NTRK2: variants seen among roughly 807,000 people sequenced by gnomAD.
NTRK2 encodes the protein neurotrophic receptor tyrosine kinase 2, also known as BDNF/NT-3 growth factors receptor.
In NTRK2, 13 loss-of-function variants were observed where a neutral mutation model predicts 94.5. The observed-to-expected ratio is 0.14, with a 90% CI of 0.09 to 0.22. NTRK2 has a LOEUF of 0.22. Among genes scored for constraint, NTRK2 ranks in the 10% least tolerant of loss-of-function variants. The probability of loss-of-function intolerance (pLI) is 1.00; values close to 1 mark genes in which losing one functional copy is unlikely to be tolerated. For missense variants in NTRK2, 639 were observed against 1,071.2 expected, an observed-to-expected ratio of 0.60 and a Z score of 5.63; for synonymous variants, 372 against 407.4, an observed-to-expected ratio of 0.91 and a Z score of 1.05.
intron 4 of NTRK2, among the ~76,000 whole-genome samples, chr9:84,704,839 A>G (rs1359921816): frequency 6.6e-6 from 1 of 152,182 alleles, no homozygotes; most frequent in Non-Finnish European, 1.5e-5. Flanking sequence ...CTGAAATTAA[A>G]TTAAGTAGTT....
At chr9:84,739,373 G>A (rs2063480392) in intron 9 of NTRK2, among the ~76,000 whole-genome samples, 1 of 152,104 alleles carries the variant, frequency 6.6e-6, no homozygotes, top group South Asian at 2.1e-4. Flanking sequence ...TTAGATTATG[G>A]GCTAACGTCT....
chr9:84,985,364 T>C (rs1023024532), intron 17 of NTRK2, among the ~76,000 whole-genome samples: 2 of 152,226 alleles, frequency 1.3e-5, no homozygotes. Flanking sequence ...GGGCACGTTA[T>C]AGGGGCTACT....
At chr9:84,741,318 C>T (rs1191167312) in intron 9 of NTRK2, among the ~76,000 whole-genome samples, 1 of 152,148 alleles carries the variant, frequency 6.6e-6, no homozygotes, top group African/African-American at 2.4e-5. Flanking sequence ...AGAGGAAGTA[C>T]ATTTTATTTT....
intron 15 of NTRK2, among the ~76,000 whole-genome samples, chr9:84,944,340 G>T (rs1280505536): frequency 2.0e-5 from 3 of 148,938 alleles, no homozygotes; most frequent in African/African-American, 5.0e-5. Context: ...TCTGCTCACT[G>T]CAGGCTCTGC....
At chr9:85,004,156 C>T (rs13440094) in intron 17 of NTRK2, among the ~76,000 whole-genome samples, 36,428 of 90,182 alleles carry the variant, frequency 0.4, 5,484 homozygotes, top group African/African-American at 0.55. Flanking sequence ...GGAACAGGGA[C>T]TTTTCAAAAG....
chr9:84,706,820 G>T (rs1202417522), intron 4 of NTRK2, among the ~76,000 whole-genome samples: 1 of 152,000 alleles, frequency 6.6e-6, no homozygotes, highest in African/African-American at 2.4e-5. Context: ...GTGAGCCACC[G>T]CACCTGGCCA....
At chr9:84,816,825 T>C (rs886406392) in intron 12 of NTRK2, among the ~76,000 whole-genome samples, 1 of 150,884 alleles carries the variant, frequency 6.6e-6, no homozygotes, top group African/African-American at 2.4e-5. Flanking sequence ...CAAACTTCAG[T>C]GTTAGTGACT....
At chr9:84,814,451 T>C in intron 12 of NTRK2, 1 of 1,066,000 alleles carries the variant, frequency 9.4e-7, no homozygotes, top group Non-Finnish European at 1.1e-6. Context: ...TTTTTTTCTC[T>C]CTCTCTCTAG....
intron 14 of NTRK2, chr9:84,875,844 A>G (rs199541098): frequency 2.9e-5 from 30 of 1,043,262 alleles, no homozygotes; most frequent in Middle Eastern, 4.4e-4. Flanking sequence ...CAATAGTATG[A>G]CATCCAATAA....
At chr9:84,870,097 C>CTATATA (rs67434914) in intron 14 of NTRK2, among the ~76,000 whole-genome samples, 3,798 of 99,454 alleles carry the variant, frequency 0.038, 106 homozygotes, top group African/African-American at 0.072. Context: ...TTCCCATTGA[C>CTATATA]TATATATATA....
chr9:84,795,448 G>A (rs936324991), intron 12 of NTRK2, among the ~76,000 whole-genome samples: 4 of 152,144 alleles, frequency 2.6e-5, no homozygotes, highest in East Asian at 1.9e-4. Flanking sequence ...TGGGAAACGC[G>A]AGGGCTGAGT....
chr9:85,023,605 A>G lies in NTRK2; in HGVS notation c.*2168A>G, dbSNP rs1427080197. On this transcript the variant is annotated 3_prime_UTR_variant, in exon 19 of 19. Transcript: ENST00000277120. The stretch of plus-strand genomic sequence containing the variant: ...GTTGATGATTTTAAAAAAACCCTCT[A>G]GAATACACATAATAACATAATGAAA... The G allele has an allele frequency of 8.7e-6, 2 of 230,814 alleles. No homozygotes were observed. The highest frequency in any genetic ancestry group is 1.7e-5 in the Non-Finnish European group (2 of 116,798). 14.3% of individuals were successfully genotyped at this position (230,814 alleles called of 1,614,324 possible).
intron 12 of NTRK2, among the ~76,000 whole-genome samples, chr9:84,799,662 A>C (rs560038061): frequency 6.1e-4 from 93 of 152,018 alleles, no homozygotes; most frequent in African/African-American, 2.0e-3. Context: ...GATGTTCAGC[A>C]TGGGAGGGCA....
At chr9:84,787,694 C>T (rs1427667893) in intron 12 of NTRK2, among the ~76,000 whole-genome samples, 1 of 152,178 alleles carries the variant, frequency 6.6e-6, no homozygotes, top group Non-Finnish European at 1.5e-5. Flanking sequence ...TTCTTAATAT[C>T]TCAAAGCAAA....
rs1371422890 is a variant in NTRK2, at chr9:85,026,287, G to A, written c.*4850G>A. ...GGGGATGTCATTTTTTAGTCTATGC[G>A]TTTGAGGCCAGGTCCATGTTTATTT... On this transcript the variant is annotated 3_prime_UTR_variant, in exon 19 of 19. Coordinates refer to ENST00000277120, the MANE Select transcript of NTRK2 (RefSeq NM_006180.6). 4 of 231,602 alleles carry A rather than the reference G, an allele frequency of 1.7e-5. No homozygotes were observed. Among genetic ancestry groups the A allele is most frequent in the East Asian group, 6.1e-5 (1 of 16,374 alleles). The allele number at this position is 231,602 out of a possible 1,614,324, so 14.3% of individuals were successfully genotyped here.
At chr9:84,693,250 T>G (rs891125955) in intron 2 of NTRK2, among the ~76,000 whole-genome samples, 1 of 152,228 alleles carries the variant, frequency 6.6e-6, no homozygotes, top group Admixed American at 6.5e-5. Context: ...TCATGCTACT[T>G]GTAGACTGAG....
At chr9:84,881,172 A>T (rs915711969) in intron 14 of NTRK2, among the ~76,000 whole-genome samples, 1 of 152,220 alleles carries the variant, frequency 6.6e-6, no homozygotes, top group Non-Finnish European at 1.5e-5. Flanking sequence ...ATGTTTCTGC[A>T]TGAATCTCGA....
chr9:84,727,521 CAG>C, intron 8 of NTRK2, 131 bp from the exon 9 acceptor site: 1 of 853,220 alleles, frequency 1.2e-6, no homozygotes, highest in South Asian at 1.5e-5. Context: ...TGATGGATTC[CAG>C]AGTTTCTGAT....
At chr9:84,787,870 G>C (rs2068283394) in intron 12 of NTRK2, among the ~76,000 whole-genome samples, 1 of 152,148 alleles carries the variant, frequency 6.6e-6, no homozygotes, top group Non-Finnish European at 1.5e-5. Flanking sequence ...CAGGACTATG[G>C]AGACAGACTT....
Sources: allele counts gnomAD v4.1 joint callset (sites outside exome capture counted in the v4.1 genomes callset), GRCh38; gene constraint gnomAD v4.1.1; transcripts MANE v1.5; gene names NCBI Gene and HGNC (gene_info 2026-07-23, HGNC 2026-07-21).